The following KRT74 variants were observed in gnomAD, a reference collection of about 807,000 sequenced individuals.
KRT74 encodes the protein keratin 74.
In KRT74, 43 loss-of-function variants were observed where a neutral mutation model predicts 42.7. That is an observed-to-expected ratio of 1.01 (90% CI 0.79 to 1.30). The LOEUF (loss-of-function observed/expected upper bound fraction) is 1.30, where lower values mean the gene tolerates loss of function less well. Ranked by LOEUF, KRT74 falls within the 50% of genes most tolerant of loss-of-function variation. KRT74 has a pLI of 0.00. For synonymous variants in KRT74, 302 were observed against 279.0 expected (o/e 1.08, Z -0.82); for missense variants, 736 against 689.1 (o/e 1.07, Z -0.76).
chr12:52,569,894 T>C lies in KRT74; in HGVS notation c.1099A>G (p.Arg367Gly). Residue 367 changes from arginine (R) to glycine (G), a missense_variant, in exon 6 of 9, where the codon AGG becomes GGG. By Grantham distance (125) the Arg-to-Gly change is moderately radical. Transcript: ENST00000305620. Reference sequence around the variant, plus strand: ...ACATTCCCGATCTCACACCGGATCCTCTGGATGAGCCGGTTCAGCTCCACC... The same window carrying C: ...ACATTCCCGATCTCACACCGGATCCCCTGGATGAGCCGGTTCAGCTCCACC... ...EMVELNRLIQ[R>G]IRCEIGNVKK... is the part of the protein sequence containing the mutation. The C allele has an allele frequency of 6.2e-7, 1 of 1,614,210 alleles. No homozygotes were observed. The highest frequency in any genetic ancestry group is 8.5e-7 in the Non-Finnish European group (1 of 1,180,028).
rs754863514 is a variant in KRT74 at position 52,566,297 on chromosome 12, G to T, written c.*672C>A. Reference sequence around the variant, plus strand: ...AATGGATGAGAACAGGAGGCAATATGTGTAGGGTGTCTGGCATCTAGTAGG... The same window carrying T: ...AATGGATGAGAACAGGAGGCAATATTTGTAGGGTGTCTGGCATCTAGTAGG... On this transcript the variant is annotated 3_prime_UTR_variant, in exon 9 of 9. Coordinates refer to ENST00000305620, the MANE Select transcript of KRT74 (RefSeq NM_175053.4). 1 of 152,100 alleles carries T rather than the reference G, an allele frequency of 6.6e-6. No individual in the cohort carries two copies. Among genetic ancestry groups the T allele is most frequent in the Non-Finnish European group, 1.5e-5 (1 of 68,044 alleles). The allele number at this position is 152,100 out of a possible 1,614,324, so 9.4% of individuals were successfully genotyped here. A position where few individuals can be genotyped will look rare whatever the true frequency, so the allele number is the denominator to read the frequency against.
chr12:52,567,602 A>C, intron 8 of KRT74, 57 bp downstream of exon 8: 2 of 1,267,324 alleles, frequency 1.6e-6, no homozygotes, highest in Non-Finnish European at 2.3e-6. Flanking sequence ...AGGTGACATC[A>C]CTTTGTCCCA....
chr12:52,570,213 C>T (rs985529406), intron 5 of KRT74, among the ~76,000 whole-genome samples: 1 of 152,210 alleles, frequency 6.6e-6, no homozygotes, highest in Non-Finnish European at 1.5e-5. Flanking sequence ...CAGAGCACTC[C>T]TCGCCTTCCA....
At chr12:52,569,130 T>G (rs640014) in intron 6 of KRT74, among the ~76,000 whole-genome samples, 113,075 of 152,026 alleles carry the variant, frequency 0.74, 43,071 homozygotes, top group African/African-American at 0.92. Flanking sequence ...TTTCCGCTGG[T>G]CAATTCTATC....
intron 6 of KRT74, chr12:52,569,586 GCT>G (rs1195036152): frequency 1.0e-5 from 6 of 599,700 alleles, no homozygotes; most frequent in African/African-American, 1.9e-5. Flanking sequence ...CCAGCTGGGG[GCT>G]CTGGGAAAGT....
chr12:52,570,503 T>C (rs1939459556), intron 5 of KRT74, among the ~76,000 whole-genome samples, 166 bp downstream of exon 5: 1 of 152,278 alleles, frequency 6.6e-6, no homozygotes, highest in African/African-American at 2.4e-5. Flanking sequence ...TCATGATTTA[T>C]CTTTGATAAC....
chr12:52,570,823 T>A lies in KRT74; in HGVS notation c.854A>T (p.Gln285Leu). 1 of 1,614,264 alleles carries A rather than the reference T, an allele frequency of 6.2e-7. No individual in the cohort carries two copies. The highest frequency in any genetic ancestry group is 8.5e-7 in the Non-Finnish European group (1 of 1,180,042). Residue 285 changes from glutamine (Q) to leucine (L), a missense_variant, in exon 5 of 9, where the codon CAG becomes CTG. Physicochemically the swap from Gln to Leu is moderately radical, Grantham distance 113 (BLOSUM62 -2). Transcript: ENST00000305620. Reference protein sequence around the residue: ...LKCLYDAEIAQIQTHASETSV... With the variant: ...LKCLYDAEIALIQTHASETSV... ...GGTCTCACTGGCGTGAGTCTGGATC[T>A]GAGCGATCTCCTGCATTGAGAGAGG...
chr12:52,567,590 G>A, intron 8 of KRT74, 69 bp downstream of exon 8: 1 of 1,106,604 alleles, frequency 9.0e-7, no homozygotes. Flanking sequence ...GACAGTAAAT[G>A]GAGGTGACAT....
intron 6 of KRT74, 43 bp downstream of exon 6, chr12:52,569,816 C>G (rs1326555209): frequency 1.9e-6 from 3 of 1,613,516 alleles, no homozygotes; most frequent in Middle Eastern, 1.7e-4. Flanking sequence ...CATCCCAGAG[C>G]CTGCTGTGGA....
At chr12:52,569,768 G>A in intron 6 of KRT74, 91 bp downstream of exon 6, 1 of 1,536,658 alleles carries the variant, frequency 6.5e-7, no homozygotes, top group Non-Finnish European at 9.0e-7. Context: ...CCCAGCAGGG[G>A]ATATTTGCTT....
rs753120228 is a variant in KRT74 at position 52,569,856 on chromosome 12, C to T, written c.1134+3G>A. The T allele has an allele frequency of 9.3e-6, 15 of 1,614,028 alleles. No homozygotes were observed. The highest frequency in any genetic ancestry group is 2.2e-5 in the East Asian group (1 of 44,876). On this transcript the variant is annotated splice_donor_region_variant and intron_variant, in intron 6 of 8. Coordinates refer to ENST00000305620, the MANE Select transcript of KRT74 (RefSeq NM_175053.4). ...GGGAGTTCTTTGTGGGGCTGCTGCC[C>T]ACCTGCTTCTTCACATTCCCGATCT... is the stretch of plus-strand genomic sequence containing the variant.
At chr12:52,570,612 G>A (rs1259009997) in intron 5 of KRT74, 57 bp downstream of exon 5, 6 of 1,579,980 alleles carry the variant, frequency 3.8e-6, no homozygotes, top group Non-Finnish European at 5.2e-6. Context: ...CACTGTGCAG[G>A]TGACCCCTCC....
chr12:52,572,131 T>G (rs557297231), intron 2 of KRT74, 127 bp from the exon 3 acceptor site: 37 of 796,908 alleles, frequency 4.6e-5, no homozygotes, highest in African/African-American at 3.1e-4. Flanking sequence ...AAGAGGCTAG[T>G]GACAGGAGTA....
intron 6 of KRT74, 47 bp downstream of exon 6, chr12:52,569,811 CA>C (rs1340380110): frequency 3.1e-6 from 5 of 1,613,044 alleles, no homozygotes; most frequent in Non-Finnish European, 4.2e-6. Context: ...TTCCTCATCC[CA>C]GAGCCTGCTG....
chr12:52,572,077 T>C (rs1236089999), intron 2 of KRT74, 73 bp from the exon 3 acceptor site: 5 of 1,147,460 alleles, frequency 4.4e-6, no homozygotes, highest in South Asian at 3.7e-5. Flanking sequence ...GCCAGGCAAA[T>C]GTTTGGGATA....
In KRT74 at chr12:52,570,759, G is replaced by A; in HGVS notation, c.918C>T (p.Asp306=). The A allele has an allele frequency of 6.2e-7, 1 of 1,614,220 alleles. No homozygotes were observed. Among genetic ancestry groups the A allele is most frequent in the Non-Finnish European group, 8.5e-7 (1 of 1,180,044 alleles). ...ILSMDNNRDL[D]LDSIIAEVRM... ...GGACCTCAGCGATGATGCTGTCAAGGTCCAGGTCCCGGTTGTTGTCCATGG... is the reference window on the plus strand; with the variant it reads ...GGACCTCAGCGATGATGCTGTCAAGATCCAGGTCCCGGTTGTTGTCCATGG... The change falls in exon 5 of 9, where the codon GAC becomes GAT. Residue 306 remains aspartate (D), a synonymous_variant. Coordinates refer to ENST00000305620, the MANE Select transcript of KRT74 (RefSeq NM_175053.4).
At chr12:52,569,434 CAT>C in intron 6 of KRT74, 1 of 604,938 alleles carries the variant, frequency 1.7e-6, no homozygotes, top group Non-Finnish European at 2.9e-6. Context: ...GCACCCCACA[CAT>C]GTTCCATGTC....
intron 5 of KRT74, 26 bp from the exon 6 acceptor site, chr12:52,570,010 G>A (rs1939449686): frequency 2.5e-6 from 4 of 1,613,610 alleles, no homozygotes; most frequent in Non-Finnish European, 3.4e-6. Flanking sequence ...TAGGAAGTTG[G>A]TGATGAGACA....
In KRT74 at chr12:52,567,101, G is replaced by A. The variant is rs778786637; in HGVS notation, c.1458C>T (p.Ser486=). ...TGCTGCCAGAGCTGCCTGCCACAGCGCTGGCCCCAAGGTCAACACCCGCAG... is the reference window on the plus strand; with the variant it reads ...TGCTGCCAGAGCTGCCTGCCACAGCACTGGCCCCAAGGTCAACACCCGCAG... ...PSSAGVDLGA[S]AVAGSSGSTQ... The change falls in exon 9 of 9, where the codon AGC becomes AGT. Residue 486 remains serine (S), a synonymous_variant. Transcript: ENST00000305620. 15 of 1,603,744 alleles carry A rather than the reference G, an allele frequency of 9.4e-6. No homozygotes were observed. The South Asian group carries it at 1.2e-4, about 13-fold the overall frequency.
Sources: gnomAD v4.1 joint callset for allele counts (sites outside exome capture counted in the v4.1 genomes callset) on GRCh38, gnomAD v4.1.1 for gene constraint, MANE v1.5 for transcripts, NCBI Gene and HGNC (gene_info 2026-07-23, HGNC 2026-07-21) for gene names.